Variants in PCDHA12 observed in about 807,000 individuals in gnomAD.
PCDHA12 encodes the protein protocadherin alpha 12.
PCDHA12 carries 44 observed loss-of-function variants against 60.0 expected under a neutral mutation model. That is an observed-to-expected ratio of 0.73 (90% confidence interval 0.58 to 0.94). The LOEUF is 0.94. Ranked by LOEUF, PCDHA12 falls within the 40% of genes least tolerant of loss-of-function variation. The pLI is 0.00. For missense variants in PCDHA12, 1,276 were observed against 1,239.7 expected (o/e 1.03, Z -0.44); for synonymous variants, 569 against 553.0 (o/e 1.03, Z -0.40).
At chr5:140,949,405 AC>A (rs1554218939) in intron 1 of PCDHA12, among the ~76,000 whole-genome samples, 1 of 151,820 alleles carries the variant, frequency 6.6e-6, no homozygotes, top group African/African-American at 2.4e-5. Flanking sequence ...GTTAAAAATC[AC>A]CTATCATCAT....
At chr5:140,982,025 C>A (rs1191670248) in intron 2 of PCDHA12, among the ~76,000 whole-genome samples, 1 of 152,180 alleles carries the variant, frequency 6.6e-6, no homozygotes, top group Non-Finnish European at 1.5e-5. Flanking sequence ...CAAATTGGAA[C>A]AATACTCCAA....
chr5:140,951,507 C>T (rs2094591964), intron 1 of PCDHA12, among the ~76,000 whole-genome samples: 1 of 151,952 alleles, frequency 6.6e-6, no homozygotes, highest in Admixed American at 6.6e-5. Context: ...AAAAGGAAAG[C>T]GGCTCATCTT....
intron 1 of PCDHA12, among the ~76,000 whole-genome samples, chr5:140,899,683 T>A (rs1554188699): frequency 6.6e-6 from 1 of 152,222 alleles, no homozygotes; most frequent in African/African-American, 2.4e-5. Flanking sequence ...ATCAGGATGA[T>A]GCTGGCCTCA....
chr5:140,884,454 A>G, intron 1 of PCDHA12: 2 of 1,613,688 alleles, frequency 1.2e-6, no homozygotes, highest in Non-Finnish European at 1.7e-6. Flanking sequence ...CCGCCCACCG[A>G]GGGCGCGTGC....
chr5:140,957,254 A>T (rs2095344725), intron 1 of PCDHA12, among the ~76,000 whole-genome samples: 1 of 152,192 alleles, frequency 6.6e-6, no homozygotes, highest in Non-Finnish European at 1.5e-5. Flanking sequence ...TAAAATTTAA[A>T]TATGTAAGCA....
At position 140,946,611 on chromosome 5, in the gene PCDHA12, A is replaced by AATATATATATATATATAT. The variant is rs1554217734; in HGVS notation, c.2368-32334_2368-32317dup. Among the ~76,000 whole-genome samples, 487 of 86,718 alleles carry AATATATATATATATATAT rather than the reference A, an allele frequency of 5.6e-3. 17 individuals are homozygous for AATATATATATATATATAT. The highest frequency in any genetic ancestry group is 0.01 in the African/African-American group (158 of 15,660). 56.9% of individuals were successfully genotyped at this position (86,718 alleles called of 152,430 possible). The stretch of plus-strand genomic sequence containing the variant: ...GGATGAATAGATAAAGAAAATGTGA[A>AATATATATATATATATAT]ATATATATATATATATATATACAAT... On this transcript the variant is annotated intron_variant, in intron 1 of 3. Coordinates refer to ENST00000398631, the MANE Select transcript of PCDHA12 (RefSeq NM_018903.4).
chr5:140,876,814 G>A lies in PCDHA12; in HGVS notation c.1342G>A (p.Val448Met), dbSNP rs571648883. ...TARVSVEVADVNDNAPAFAQP... is the reference protein window; with the variant it reads ...TARVSVEVADMNDNAPAFAQP... The stretch of plus-strand genomic sequence containing the variant: ...TAGAGTGTCCGTGGAGGTGGCCGAC[G>A]TGAACGACAATGCGCCTGCGTTCGC... The change falls in exon 1 of 4, where the codon GTG becomes ATG. Residue 448 changes from valine to methionine, a missense_variant. Val to Met is a conservative substitution (Grantham distance 21, BLOSUM62 1). Transcript: ENST00000398631. 18 of 1,614,108 alleles carry A rather than the reference G, an allele frequency of 1.1e-5. No homozygotes were observed. The highest frequency in any genetic ancestry group is 1.5e-5 in the Non-Finnish European group (18 of 1,180,044).
rs781866730 is a variant in PCDHA12 at position 141,009,887 on chromosome 5, CAG to C, written c.2777_2778del (p.Gln926ArgfsTer11). ...GAAAAAGAAGAAGGGTAACAAGACCCAGGAGAAAAAAGAGAAAGGGAACAGCA... is the reference window on the plus strand; with the variant it reads ...GAAAAAGAAGAAGGGTAACAAGACCCGAGAAAAAAGAGAAAGGGAACAGCA... ...KKKKKKGNKTQEKKEKGNSTT... is the reference protein window; with the variant it reads ...KKKKKKGNKTXEKKEKGNSTT... On this transcript the variant is annotated frameshift_variant, in exon 4 of 4. Transcript: ENST00000398631. LOFTEE classifies it high-confidence loss of function. 1.9e-6 allele frequency: 3 copies of C among 1,612,850 alleles called. No homozygotes were observed. In the South Asian group the frequency reaches 3.3e-5, roughly 18 times the overall value.
chr5:140,985,975 G>A (rs2097182023), intron 3 of PCDHA12, among the ~76,000 whole-genome samples: 2 of 152,148 alleles, frequency 1.3e-5, no homozygotes, highest in South Asian at 2.1e-4. Flanking sequence ...TCCTGACCTC[G>A]TGATCCGCCC....
At chr5:140,998,094 GCAAA>G (rs1182835904) in intron 3 of PCDHA12, among the ~76,000 whole-genome samples, 7 of 152,226 alleles carry the variant, frequency 4.6e-5, no homozygotes, top group African/African-American at 1.4e-4. Flanking sequence ...AAATGCTAGA[GCAAA>G]CAGAGGAGAA....
chr5:140,986,853 A>G (rs1424493333), intron 3 of PCDHA12, among the ~76,000 whole-genome samples: 3 of 152,206 alleles, frequency 2.0e-5, no homozygotes, highest in Admixed American at 6.5e-5. Flanking sequence ...AGCAACACCA[A>G]CAATACCCGG....
rs782073142 is a variant in PCDHA12 at position 140,875,795 on chromosome 5, T to C, written c.323T>C (p.Val108Ala). ...GCGGAGTGCAGTATCCACCTGGAGG[T>C]GATCGTGGACAGGCCGCTGCAGGTT... ...RSAECSIHLE[V>A]IVDRPLQVFH... The change falls in exon 1 of 4, where the codon GTG (valine) becomes GCG (alanine). Residue 108 changes from valine to alanine, a missense_variant. By Grantham distance (64) the Val-to-Ala change is moderately conservative. Transcript: ENST00000398631. The C allele has an allele frequency of 1.2e-6, 2 of 1,613,786 alleles. No homozygotes were observed.
intron 1 of PCDHA12, among the ~76,000 whole-genome samples, chr5:140,925,108 G>GGAAGGAAGGAA (rs1554202548): frequency 1.6e-5 from 2 of 124,702 alleles, no homozygotes; most frequent in African/African-American, 3.3e-5. Flanking sequence ...GAAGGAAGGA[G>GGAAGGAAGGAA]GGAAGGAAGG....
chr5:141,001,749 T>C (rs1554258292), intron 3 of PCDHA12, among the ~76,000 whole-genome samples: 1 of 152,090 alleles, frequency 6.6e-6, no homozygotes, highest in African/African-American at 2.4e-5. Flanking sequence ...GCTGTTTCAG[T>C]GGTTGATGGC....
At chr5:140,924,902 A>T (rs1484044152) in intron 1 of PCDHA12, among the ~76,000 whole-genome samples, 1 of 39,026 alleles carries the variant, frequency 2.6e-5, no homozygotes, top group African/African-American at 7.6e-5. Context: ...CTCAAAAAAA[A>T]AAATAAAATA....
intron 1 of PCDHA12, among the ~76,000 whole-genome samples, chr5:140,924,578 T>C (rs80037494): frequency 0.013 from 2,025 of 152,202 alleles, 55 homozygotes; most frequent in Admixed American, 0.052. Flanking sequence ...TTAAATGTTT[T>C]CAAATATTAT....
intron 1 of PCDHA12, among the ~76,000 whole-genome samples, chr5:140,888,151 CT>C (rs1247816625): frequency 4.6e-5 from 7 of 152,106 alleles, no homozygotes; most frequent in Non-Finnish European, 8.8e-5. Context: ...TTTTGCATGA[CT>C]GGTAATCTCT....
At chr5:140,917,940 G>T (rs2078445007) in intron 1 of PCDHA12, among the ~76,000 whole-genome samples, 1 of 151,950 alleles carries the variant, frequency 6.6e-6, no homozygotes, top group African/African-American at 2.4e-5. Flanking sequence ...AATAATATTG[G>T]TAGTTTGATA....
At chr5:140,938,536 G>T (rs1443736475) in intron 1 of PCDHA12, among the ~76,000 whole-genome samples, 2 of 140,060 alleles carry the variant, frequency 1.4e-5, no homozygotes, top group Non-Finnish European at 3.2e-5. Context: ...TGGATAATAT[G>T]GATTTTTATC....
Sources: gnomAD v4.1 joint callset for allele counts (sites outside exome capture counted in the v4.1 genomes callset) on GRCh38, gnomAD v4.1.1 for gene constraint, MANE v1.5 for transcripts, NCBI Gene and HGNC (gene_info 2026-07-23, HGNC 2026-07-21) for gene names.